GNAO1: variants seen among roughly 807,000 people sequenced by gnomAD.
The protein encoded by GNAO1 is G protein subunit alpha o1.
For missense variants in GNAO1, 166 were observed against 478.7 expected, an observed-to-expected ratio of 0.35 and a Z score of 6.10; for synonymous variants, 164 against 180.7, an observed-to-expected ratio of 0.91 and a Z score of 0.74.
At chr16:56,264,848 TTAATTAA>T (rs1279543626) in intron 2 of GNAO1, among the ~76,000 whole-genome samples, 10 of 149,716 alleles carry the variant, frequency 6.7e-5, no homozygotes, top group African/African-American at 1.9e-4. Flanking sequence ...TTATATAGTA[TTAATTAA>T]TAATTAATAA....
intron 2 of GNAO1, among the ~76,000 whole-genome samples, chr16:56,252,232 G>A (rs1287465885): frequency 1.3e-5 from 2 of 152,156 alleles, no homozygotes; most frequent in Non-Finnish European, 2.9e-5. Flanking sequence ...GTCTCTGGAT[G>A]GCACAGCCAA....
intron 3 of GNAO1, among the ~76,000 whole-genome samples, chr16:56,289,526 A>G (rs145310867): frequency 2.0e-5 from 3 of 152,314 alleles, no homozygotes; most frequent in Non-Finnish European, 4.4e-5. Flanking sequence ...TGTCAAGGGT[A>G]ACCATGTCTC....
chr16:56,301,609 A>C (rs2037344591), intron 3 of GNAO1: 1 of 151,966 alleles, frequency 6.6e-6, no homozygotes, highest in Admixed American at 6.6e-5. Context: ...GGGTTTTTTT[A>C]ATTTTTCAGT....
intron 2 of GNAO1, among the ~76,000 whole-genome samples, chr16:56,214,478 T>C (rs1162467137): frequency 6.6e-6 from 1 of 152,248 alleles, no homozygotes; most frequent in Non-Finnish European, 1.5e-5. Flanking sequence ...TTTATTTTAA[T>C]GTGTTTTAGG....
At chr16:56,295,055 C>T (rs1428309850) in intron 3 of GNAO1, among the ~76,000 whole-genome samples, 1 of 152,092 alleles carries the variant, frequency 6.6e-6, no homozygotes, top group Non-Finnish European at 1.5e-5. Context: ...TTCTCCCAGT[C>T]TTTGGCTTGC....
At chr16:56,286,979 C>T (rs74023717) in intron 3 of GNAO1, among the ~76,000 whole-genome samples, 1,646 of 152,238 alleles carry the variant, frequency 0.011, 35 homozygotes, top group African/African-American at 0.037. Flanking sequence ...TGACTCATGT[C>T]GTAGGGTGGA....
chr16:56,290,729 G>A (rs533079485), intron 3 of GNAO1, among the ~76,000 whole-genome samples: 27 of 152,232 alleles, frequency 1.8e-4, no homozygotes, highest in African/African-American at 6.5e-4. Flanking sequence ...CCTGGAACCC[G>A]GCCCCTCTCC....
chr16:56,316,526 G>T (rs2037511340), intron 3 of GNAO1, among the ~76,000 whole-genome samples: 1 of 152,150 alleles, frequency 6.6e-6, no homozygotes, highest in Non-Finnish European at 1.5e-5. Context: ...AGCATCTGGT[G>T]CCTCCAGGAC....
At chr16:56,212,935 G>A (rs1006423031) in intron 2 of GNAO1, among the ~76,000 whole-genome samples, 2 of 152,242 alleles carry the variant, frequency 1.3e-5, no homozygotes, top group Non-Finnish European at 2.9e-5. Context: ...GAGCACAGGG[G>A]ATCTGGCAGG....
chr16:56,214,433 G>A (rs1297659081), intron 2 of GNAO1, among the ~76,000 whole-genome samples: 1 of 152,182 alleles, frequency 6.6e-6, no homozygotes, highest in Non-Finnish European at 1.5e-5. Context: ...TTCCCCAAGT[G>A]TAGCCTGAAA....
chr16:56,251,112 A>G (rs1035500843), intron 2 of GNAO1, among the ~76,000 whole-genome samples: 12 of 152,246 alleles, frequency 7.9e-5, no homozygotes, highest in Non-Finnish European at 1.2e-4. Context: ...ACAACAGGCT[A>G]TCATAGGCAT....
chr16:56,221,492 A>G lies in GNAO1; in HGVS notation c.161+28876A>G, dbSNP rs1310571844. Among the ~76,000 whole-genome samples the G allele has an allele frequency of 4.6e-5, 7 of 152,182 alleles. No individual in the cohort carries two copies. In the East Asian group the frequency reaches 1.4e-3, roughly 29 times the overall value. ...TGGTGAAACCCCATCTCTACTAAAA[A>G]TACAAAAATTAGCTGGGTGTGGTGG... On this transcript the variant is annotated intron_variant, in intron 2 of 8. Transcript: ENST00000262493.
rs1235207581 is a variant in GNAO1 at position 56,191,885 on chromosome 16, T to A, written c.-351T>A. 2 of 185,560 alleles carry A rather than the reference T, an allele frequency of 1.1e-5. No homozygotes were observed. Among genetic ancestry groups the A allele is most frequent in the African/African-American group, 5.3e-5 (2 of 37,898 alleles). 11.5% of individuals were successfully genotyped at this position (185,560 alleles called of 1,614,324 possible). A position where few individuals can be genotyped will look rare whatever the true frequency, so the allele number is the denominator to read the frequency against. ...CTCCGGCTGCGGCTCCAGCCTCGAC[T>A]ATTATTTTATTTATTTTGGGTCGTG... On this transcript the variant is annotated 5_prime_UTR_variant, in exon 1 of 9. Transcript: ENST00000262493. This position sits in a 1 kb window ranked among gnomAD's most constrained non-coding sequence, Gnocchi z 4.7.
At chr16:56,287,321 C>T (rs973701178) in intron 3 of GNAO1, among the ~76,000 whole-genome samples, 4 of 152,214 alleles carry the variant, frequency 2.6e-5, no homozygotes, top group African/African-American at 9.7e-5. Context: ...AGGCACTGCC[C>T]CAGAGGGCGG....
chr16:56,262,359 C>G (rs1285766316), intron 2 of GNAO1, among the ~76,000 whole-genome samples: 1 of 152,172 alleles, frequency 6.6e-6, no homozygotes, highest in African/African-American at 2.4e-5. Flanking sequence ...TTGGACTTGC[C>G]TGGTGTCAGA....
intron 2 of GNAO1, among the ~76,000 whole-genome samples, chr16:56,240,677 G>A (rs1313447038): frequency 6.6e-6 from 1 of 152,084 alleles, no homozygotes; most frequent in Non-Finnish European, 1.5e-5. Flanking sequence ...GGAACTCCAT[G>A]GTCTGATTTG....
chr16:56,333,275 C>G (rs552987576), intron 4 of GNAO1, among the ~76,000 whole-genome samples: 1 of 150,700 alleles, frequency 6.6e-6, no homozygotes, highest in African/African-American at 2.4e-5. Context: ...TACAGTGGCA[C>G]GATCTCAACT....
intron 2 of GNAO1, among the ~76,000 whole-genome samples, chr16:56,229,222 A>T (rs1269555790): frequency 1.3e-5 from 2 of 152,040 alleles, no homozygotes; most frequent in Non-Finnish European, 2.9e-5. Flanking sequence ...TTGTTTTGAG[A>T]TGGAGTCTCA....
At chr16:56,211,226 G>A (rs879912600) in intron 2 of GNAO1, among the ~76,000 whole-genome samples, 1 of 152,202 alleles carries the variant, frequency 6.6e-6, no homozygotes, top group Non-Finnish European at 1.5e-5. Flanking sequence ...CTCATTGGAG[G>A]CAGATTATTG....
Sources: allele counts gnomAD v4.1 joint callset (sites outside exome capture counted in the v4.1 genomes callset), GRCh38; gene constraint gnomAD v4.1.1; non-coding constraint Gnocchi (gnomAD v3.1); transcripts MANE v1.5; gene names NCBI Gene and HGNC (gene_info 2026-07-23, HGNC 2026-07-21).